The following SLC16A10 variants were observed in gnomAD, a reference collection of about 807,000 sequenced individuals.
SLC16A10 encodes solute carrier family 16 member 10.
A neutral mutation model predicts 40.0 loss-of-function variants in SLC16A10; 27 were observed. The ratio of observed to expected loss-of-function variants is 0.67; its 90% CI spans 0.50 to 0.93. The LOEUF (loss-of-function observed/expected upper bound fraction) is 0.93, where lower values mean the gene tolerates loss of function less well. Among genes scored for constraint, SLC16A10 ranks in the 40% least tolerant of loss-of-function variants. The pLI, the probability that SLC16A10 is intolerant of heterozygous loss-of-function variation, is 0.00. For missense variants in SLC16A10, 529 were observed against 658.2 expected (o/e 0.80, Z 2.15); for synonymous variants, 213 against 249.8 (o/e 0.85, Z 1.39).
chr6:111,120,805 G>GAGTGCTT (rs1771570221), intron 1 of SLC16A10, among the ~76,000 whole-genome samples: 1 of 152,168 alleles, frequency 6.6e-6, no homozygotes, highest in Non-Finnish European at 1.5e-5. Flanking sequence ...AATCATTGTG[G>GAGTGCTT]AGTGCTTAGT....
In SLC16A10 at chr6:111,124,003, T is replaced by C. The variant is rs113754706; in HGVS notation, c.343+35908T>C. 2.5e-3 allele frequency among the ~76,000 whole-genome samples: 386 copies of C among 151,978 alleles called. 2 individuals carry two copies. Among genetic ancestry groups the C allele is most frequent in the African/African-American group, 8.8e-3 (365 of 41,418 alleles). On this transcript the variant is annotated intron_variant, in intron 1 of 5. Coordinates refer to ENST00000368851, the MANE Select transcript of SLC16A10 (RefSeq NM_018593.5). Reference sequence around the variant, plus strand: ...CAGCCAGTCAGAGGTGAGAAAGGGGTCTTGTGTTCCAGTTGCTCTACTTTA... The same window carrying C: ...CAGCCAGTCAGAGGTGAGAAAGGGGCCTTGTGTTCCAGTTGCTCTACTTTA...
chr6:111,154,763 C>T (rs975398756), intron 1 of SLC16A10, among the ~76,000 whole-genome samples: 1 of 152,012 alleles, frequency 6.6e-6, no homozygotes, highest in Non-Finnish European at 1.5e-5. Context: ...GAAGCTGAGG[C>T]GGGCAGATCA....
chr6:111,146,598 T>C (rs1772081290), intron 1 of SLC16A10, among the ~76,000 whole-genome samples: 1 of 148,736 alleles, frequency 6.7e-6, no homozygotes, highest in African/African-American at 2.4e-5. Context: ...TAGCTGGGCG[T>C]GGTGGGGGGG....
At chr6:111,146,134 A>T (rs1426102435) in intron 1 of SLC16A10, among the ~76,000 whole-genome samples, 2 of 152,260 alleles carry the variant, frequency 1.3e-5, no homozygotes, top group African/African-American at 4.8e-5. Context: ...AACACAATTT[A>T]AAAATGTTGA....
chr6:111,140,711 A>G (rs959147060), intron 1 of SLC16A10, among the ~76,000 whole-genome samples: 3 of 152,236 alleles, frequency 2.0e-5, no homozygotes, highest in Non-Finnish European at 4.4e-5. Context: ...TTATAACAAA[A>G]TTAGAAAATG....
intron 1 of SLC16A10, among the ~76,000 whole-genome samples, chr6:111,156,725 CTG>C (rs1772276896): frequency 1.3e-5 from 2 of 152,066 alleles, no homozygotes; most frequent in Admixed American, 6.6e-5. Flanking sequence ...TTAGTTAAAA[CTG>C]AGGAAATCTG....
intron 3 of SLC16A10, among the ~76,000 whole-genome samples, chr6:111,204,471 G>T (rs1167530307): frequency 6.6e-6 from 1 of 152,148 alleles, no homozygotes; most frequent in Non-Finnish European, 1.5e-5. Flanking sequence ...GACATTAACA[G>T]GGCTGGGTAG....
intron 4 of SLC16A10, among the ~76,000 whole-genome samples, chr6:111,210,644 A>G (rs1773330088): frequency 6.6e-6 from 1 of 152,168 alleles, no homozygotes. Context: ...TGGAAACCCA[A>G]GAAGATGGGG....
chr6:111,193,175 A>T (rs1276399670), intron 3 of SLC16A10: 1 of 465,688 alleles, frequency 2.1e-6, no homozygotes. Context: ...ACAGTGAATG[A>T]TTAAGACACC....
intron 2 of SLC16A10, among the ~76,000 whole-genome samples, chr6:111,176,420 G>T (rs1353377946): frequency 1.3e-5 from 2 of 152,134 alleles, no homozygotes; most frequent in East Asian, 3.8e-4. Flanking sequence ...ATAATGATAT[G>T]ATCCTTTATC....
intron 3 of SLC16A10, among the ~76,000 whole-genome samples, chr6:111,197,122 G>T (rs943249349): frequency 6.6e-6 from 1 of 152,158 alleles, no homozygotes. Context: ...AGATTTATGG[G>T]TGCAAATTTG....
chr6:111,091,447 C>T (rs1164179995), intron 1 of SLC16A10: 2 of 152,134 alleles, frequency 1.3e-5, no homozygotes, highest in African/African-American at 4.8e-5. Flanking sequence ...AGTGCTCTAC[C>T]ATGCATTCTG....
chr6:111,127,531 C>T (rs756341271), intron 1 of SLC16A10, among the ~76,000 whole-genome samples: 9 of 152,150 alleles, frequency 5.9e-5, no homozygotes, highest in East Asian at 5.8e-4. Context: ...TTATTTTGGG[C>T]GGGCGCTAGG....
intron 1 of SLC16A10, among the ~76,000 whole-genome samples, chr6:111,151,621 G>T (rs1772174198): frequency 6.6e-6 from 1 of 152,182 alleles, no homozygotes; most frequent in Non-Finnish European, 1.5e-5. Flanking sequence ...GTTTGATCAT[G>T]TAATTCCAGG....
At chr6:111,106,912 A>C (rs1318896368) in intron 1 of SLC16A10, among the ~76,000 whole-genome samples, 1 of 152,208 alleles carries the variant, frequency 6.6e-6, no homozygotes, top group Non-Finnish European at 1.5e-5. Flanking sequence ...AGCTGCCTTC[A>C]TAGTTAAATG....
chr6:111,134,207 C>T (rs58812786), intron 1 of SLC16A10, among the ~76,000 whole-genome samples: 1,842 of 152,194 alleles, frequency 0.012, 25 homozygotes, highest in African/African-American at 0.043. Context: ...AGATTGGTGC[C>T]GCAGACATTT....
intron 2 of SLC16A10, among the ~76,000 whole-genome samples, chr6:111,175,078 G>A (rs1056460516): frequency 5.1e-4 from 77 of 152,192 alleles, no homozygotes; most frequent in African/African-American, 1.5e-3. Context: ...TATAGATTCT[G>A]AGTGTCAAGT....
chr6:111,104,544 G>A (rs1360883295), intron 1 of SLC16A10, among the ~76,000 whole-genome samples: 3 of 152,202 alleles, frequency 2.0e-5, no homozygotes, highest in Non-Finnish European at 2.9e-5. Flanking sequence ...CCTAGATGAT[G>A]TCATGGACAG....
chr6:111,125,525 C>T (rs1771660257), intron 1 of SLC16A10, among the ~76,000 whole-genome samples: 1 of 152,158 alleles, frequency 6.6e-6, no homozygotes, highest in African/African-American at 2.4e-5. Flanking sequence ...ATCCACATCT[C>T]ATCAAACCGC....
Sources: allele counts gnomAD v4.1 joint callset (sites outside exome capture counted in the v4.1 genomes callset), GRCh38; gene constraint gnomAD v4.1.1; transcripts MANE v1.5; gene names NCBI Gene and HGNC (gene_info 2026-07-23, HGNC 2026-07-21).